Variants in FREM1 observed in about 807,000 individuals in gnomAD.
FREM1 encodes the protein FRAS1 related extracellular matrix 1.
A neutral mutation model predicts 210.1 loss-of-function variants in FREM1; 220 were observed. That is an observed-to-expected ratio of 1.05 (90% CI 0.94 to 1.17). FREM1 has a LOEUF of 1.17. Among genes scored for constraint, FREM1 ranks in the 50% most tolerant of loss-of-function variants. The pLI, the probability that FREM1 is intolerant of heterozygous loss-of-function variation, is 0.00. For synonymous variants in FREM1, 1,189 were observed against 980.2 expected (o/e 1.21, Z -3.98); for missense variants, 3,454 against 2,675.5 (o/e 1.29, Z -6.42).
In FREM1 at chr9:14,784,595, T is replaced by G. The variant is rs1225526722; in HGVS notation, c.4217A>C (p.Lys1406Thr). 32 of 1,605,456 alleles carry G rather than the reference T, an allele frequency of 2.0e-5. No homozygotes were observed. Among genetic ancestry groups the G allele is most frequent in the Non-Finnish European group, 2.7e-5 (32 of 1,175,360 alleles). ...GGTTGTTAAGAAACCTCTATCACCT[T>G]TAGACACCACGAGTGGTTTTGTAAG... Reference protein sequence around the residue: ...VILTKPLVVSKGDRGFLTTTT... With the variant: ...VILTKPLVVSTGDRGFLTTTT... Residue 1406 changes from lysine to threonine, a missense_variant, in exon 24 of 37, where the codon AAA becomes ACA. Transcript: ENST00000380880.
At chr9:14,900,305 G>A (rs940045819) in intron 1 of FREM1, among the ~76,000 whole-genome samples, 2 of 152,236 alleles carry the variant, frequency 1.3e-5, no homozygotes, top group Non-Finnish European at 2.9e-5. Context: ...TGATTCTAAT[G>A]AGCAACCAGG....
chr9:14,829,578 C>T (rs1823154480), intron 10 of FREM1, among the ~76,000 whole-genome samples: 1 of 152,180 alleles, frequency 6.6e-6, no homozygotes, highest in African/African-American at 2.4e-5. Context: ...CAAGTTCAAG[C>T]TCTTGCTCTC....
intron 21 of FREM1, among the ~76,000 whole-genome samples, chr9:14,795,832 T>G (rs759403883): frequency 2.6e-5 from 4 of 152,182 alleles, no homozygotes; most frequent in Non-Finnish European, 5.9e-5. Flanking sequence ...TGTCCTATAG[T>G]AAGCACTTAA....
intron 35 of FREM1, among the ~76,000 whole-genome samples, chr9:14,743,825 T>A (rs575125009): frequency 3.6e-4 from 55 of 152,246 alleles, no homozygotes; most frequent in African/African-American, 1.3e-3. Context: ...ACTGCAATCA[T>A]CTTCTTGCTA....
chr9:14,833,429 A>G (rs1823951636), intron 10 of FREM1, among the ~76,000 whole-genome samples: 1 of 152,110 alleles, frequency 6.6e-6, no homozygotes, highest in Admixed American at 6.5e-5. Flanking sequence ...GGTCGAGGAG[A>G]GCTTAGGGGC....
chr9:14,762,235 A>G (rs886232406), intron 27 of FREM1, among the ~76,000 whole-genome samples: 1 of 152,226 alleles, frequency 6.6e-6, no homozygotes, highest in Admixed American at 6.5e-5. Context: ...AAAGAGAGAA[A>G]GATGAAATGG....
chr9:14,813,631 C>T (rs1161460790), intron 15 of FREM1, among the ~76,000 whole-genome samples: 1 of 152,032 alleles, frequency 6.6e-6, no homozygotes, highest in Non-Finnish European at 1.5e-5. Flanking sequence ...GGTTTCATCC[C>T]GACAAAATGT....
chr9:14,739,831 T>C (rs1841195972), intron 36 of FREM1, among the ~76,000 whole-genome samples: 1 of 151,942 alleles, frequency 6.6e-6, no homozygotes, highest in Non-Finnish European at 1.5e-5. Flanking sequence ...GGCTGTACTA[T>C]AATTTATTTA....
chr9:14,893,599 T>C (rs1837235669), intron 1 of FREM1, among the ~76,000 whole-genome samples: 1 of 152,244 alleles, frequency 6.6e-6, no homozygotes, highest in South Asian at 2.1e-4. Context: ...AATAGGAGCT[T>C]AAATGAAATA....
intron 23 of FREM1, among the ~76,000 whole-genome samples, chr9:14,785,611 G>C (rs1850301547): frequency 6.6e-6 from 1 of 152,152 alleles, no homozygotes; most frequent in Non-Finnish European, 1.5e-5. Context: ...AGCCTTAAAA[G>C]GGAAGGGAGT....
chr9:14,838,516 C>A (rs139952135), intron 10 of FREM1, among the ~76,000 whole-genome samples: 4 of 152,016 alleles, frequency 2.6e-5, no homozygotes, highest in African/African-American at 9.7e-5. Flanking sequence ...CACATACACA[C>A]AATACTTGTT....
chr9:14,792,871 C>G lies in FREM1; in HGVS notation c.3853G>C (p.Ala1285Pro). The part of the protein sequence containing the change: ...KPMLSKKAEI[A>P]MNMGETRIIS... ...ATACGAGTTTCACCCATATTCATTGCAATTTCAGCCTTCCTGTAAAAAGAA... is the reference window on the plus strand; with the variant it reads ...ATACGAGTTTCACCCATATTCATTGGAATTTCAGCCTTCCTGTAAAAAGAA... The change falls in exon 22 of 37, where the codon GCA becomes CCA. Residue 1285 changes from alanine to proline, a missense_variant. Transcript: ENST00000380880. The G allele has an allele frequency of 6.3e-7, 1 of 1,577,432 alleles. No homozygotes were observed. Among genetic ancestry groups the G allele is most frequent in the Non-Finnish European group, 8.6e-7 (1 of 1,161,378 alleles).
intron 5 of FREM1, among the ~76,000 whole-genome samples, chr9:14,853,873 G>T (rs1341056280): frequency 6.6e-6 from 1 of 152,146 alleles, no homozygotes; most frequent in African/African-American, 2.4e-5. Flanking sequence ...AGAAGGACTG[G>T]TGCTTAATGC....
intron 10 of FREM1, 66 bp downstream of exon 10, chr9:14,841,380 AC>A: frequency 7.6e-7 from 1 of 1,323,792 alleles, no homozygotes; most frequent in Admixed American, 2.4e-5. Flanking sequence ...GTGGTTTCTA[AC>A]CACATCTCCT....
intron 1 of FREM1, among the ~76,000 whole-genome samples, chr9:14,906,005 A>G (rs1817635875): frequency 6.6e-6 from 1 of 152,264 alleles, no homozygotes; most frequent in East Asian, 1.9e-4. Flanking sequence ...TGGGATCTGG[A>G]ATGTAACTTT....
intron 10 of FREM1, among the ~76,000 whole-genome samples, chr9:14,840,387 A>G (rs1021270823): frequency 6.6e-6 from 1 of 152,240 alleles, no homozygotes; most frequent in Admixed American, 6.5e-5. Context: ...TACAAAAGAA[A>G]GAGATTTAAT....
Position 14,887,662 on chromosome 9 carries a change from T to C in FREM1, c.-267-18418A>G, listed in dbSNP as rs1052064059. 3.3e-5 allele frequency among the ~76,000 whole-genome samples: 5 copies of C among 152,168 alleles called. No individual in the cohort carries two copies. In the East Asian group the frequency reaches 9.6e-4, roughly 29 times the overall value. Reference sequence around the variant, plus strand: ...TTTTTCTTTAATAAACAATTTTTAGTCTCCCCTATGTGCAAATTCCTTCCT... The same window carrying C: ...TTTTTCTTTAATAAACAATTTTTAGCCTCCCCTATGTGCAAATTCCTTCCT... On this transcript the variant is annotated intron_variant, in intron 1 of 36. Coordinates refer to ENST00000380880, the MANE Select transcript of FREM1 (RefSeq NM_001379081.2).
intron 18 of FREM1, among the ~76,000 whole-genome samples, chr9:14,806,019 G>T (rs369099066): frequency 1.3e-4 from 20 of 152,244 alleles, no homozygotes; most frequent in African/African-American, 4.8e-4. Flanking sequence ...GACCTTGTGA[G>T]CTCCCGCTAG....
intron 25 of FREM1, among the ~76,000 whole-genome samples, chr9:14,772,800 T>A (rs1847823218): frequency 6.6e-6 from 1 of 152,190 alleles, no homozygotes. Context: ...AAAATTAAAG[T>A]ACTTCTAAGC....
Sources: allele counts gnomAD v4.1 joint callset (sites outside exome capture counted in the v4.1 genomes callset), GRCh38; gene constraint gnomAD v4.1.1; transcripts MANE v1.5; gene names NCBI Gene and HGNC (gene_info 2026-07-23, HGNC 2026-07-21).